Variants in FOCAD observed in about 807,000 individuals in gnomAD.
FOCAD encodes focadhesin.
A neutral mutation model predicts 225.6 loss-of-function variants in FOCAD; 198 were observed. The ratio of observed to expected loss-of-function variants is 0.88; its 90% CI spans 0.78 to 0.99. The LOEUF is 0.99. Ranked by LOEUF, FOCAD falls within the 50% of genes least tolerant of loss-of-function variation. The probability of loss-of-function intolerance (pLI) is 0.00; values close to 1 mark genes in which losing one functional copy is unlikely to be tolerated. For synonymous variants in FOCAD, 897 were observed against 755.0 expected (o/e 1.19, Z -3.08); for missense variants, 2,713 against 2,123.6 (o/e 1.28, Z -5.46).
chr9:20,861,481 C>A (rs1828767480), intron 15 of FOCAD, among the ~76,000 whole-genome samples: 1 of 152,248 alleles, frequency 6.6e-6, no homozygotes, highest in East Asian at 1.9e-4. Flanking sequence ...TGTAGGGGAT[C>A]CCAAATCAAA....
chr9:20,959,722 G>A (rs2132446770), intron 35 of FOCAD, among the ~76,000 whole-genome samples: 1 of 152,124 alleles, frequency 6.6e-6, no homozygotes, highest in South Asian at 2.1e-4. Flanking sequence ...GCGAGAGATT[G>A]GGGGGTGTAG....
intron 10 of FOCAD, among the ~76,000 whole-genome samples, chr9:20,783,279 G>T (rs1819582642): frequency 6.6e-6 from 1 of 152,092 alleles, no homozygotes; most frequent in Admixed American, 6.5e-5. Flanking sequence ...ATTACTATTA[G>T]GGCTGTAAAT....
At chr9:20,990,736 A>G (rs769946752) in intron 42 of FOCAD, among the ~76,000 whole-genome samples, 16 of 152,208 alleles carry the variant, frequency 1.1e-4, no homozygotes, top group Non-Finnish European at 1.9e-4. Context: ...CAGGATTGCA[A>G]ATCGTGTGAT....
chr9:20,767,651 C>T (rs76997801), intron 7 of FOCAD, among the ~76,000 whole-genome samples: 27,898 of 124,102 alleles, frequency 0.22, 3,772 homozygotes, highest in Non-Finnish European at 0.3. Flanking sequence ...TCATGTCCTT[C>T]GCCCACTTTT....
chr9:20,723,536 C>A (rs1563916355), intron 4 of FOCAD, among the ~76,000 whole-genome samples: 1 of 152,246 alleles, frequency 6.6e-6, no homozygotes, highest in African/African-American at 2.4e-5. Context: ...ATAATATATT[C>A]ACATTGGATA....
At chr9:20,777,025 C>T (rs1818824515) in intron 8 of FOCAD, among the ~76,000 whole-genome samples, 1 of 152,122 alleles carries the variant, frequency 6.6e-6, no homozygotes, top group South Asian at 2.1e-4. Context: ...ACATATATTC[C>T]TAAAATACAT....
chr9:20,829,790 T>C (rs1825301950), intron 15 of FOCAD, among the ~76,000 whole-genome samples: 1 of 152,154 alleles, frequency 6.6e-6, no homozygotes, highest in Admixed American at 6.6e-5. Context: ...TCTTTGTTTT[T>C]ATATGAAATT....
In FOCAD at chr9:20,720,471, C is replaced by T; in HGVS notation, c.224C>T (p.Ala75Val). The T allele has an allele frequency of 1.2e-6, 2 of 1,614,018 alleles. No homozygotes were observed. Reference sequence around the variant, plus strand: ...TGTGAAGGTCTGGTGGCACTCGTTGCTCAGGATCATGCAGAGTTCAGCTAT... The same window carrying T: ...TGTGAAGGTCTGGTGGCACTCGTTGTTCAGGATCATGCAGAGTTCAGCTAT... ...ACCEGLVALVAQDHAEFSYVL... is the reference protein window; with the variant it reads ...ACCEGLVALVVQDHAEFSYVL... The change falls in exon 4 of 44, where the codon GCT (alanine) becomes GTT (valine). Residue 75 changes from alanine (A) to valine (V), a missense_variant. Ala to Val is a moderately conservative substitution (Grantham distance 64, BLOSUM62 0). Transcript: ENST00000338382.
chr9:20,702,162 G>A (rs1824009393), intron 1 of FOCAD, among the ~76,000 whole-genome samples: 1 of 152,046 alleles, frequency 6.6e-6, no homozygotes, highest in African/African-American at 2.4e-5. Flanking sequence ...GAGTGCAGTG[G>A]CATGATAATA....
intron 21 of FOCAD, among the ~76,000 whole-genome samples, chr9:20,891,003 A>G (rs1333275363): frequency 6.6e-6 from 1 of 152,066 alleles, no homozygotes; most frequent in Admixed American, 6.6e-5. Flanking sequence ...TTTTTCCAAT[A>G]CCATATGCTT....
chr9:20,865,641 T>G (rs1018508007), intron 16 of FOCAD, among the ~76,000 whole-genome samples: 8 of 151,946 alleles, frequency 5.3e-5, no homozygotes, highest in Non-Finnish European at 1.2e-4. Flanking sequence ...CATGAAAGAG[T>G]GACATTTCTG....
intron 19 of FOCAD, among the ~76,000 whole-genome samples, chr9:20,876,981 A>G (rs1830278050): frequency 6.6e-6 from 1 of 152,212 alleles, no homozygotes; most frequent in Non-Finnish European, 1.5e-5. Context: ...GTTTTGAAAT[A>G]ATTTTACACT....
chr9:20,890,967 T>G (rs374248572), intron 21 of FOCAD, among the ~76,000 whole-genome samples: 4 of 152,154 alleles, frequency 2.6e-5, no homozygotes, highest in East Asian at 3.9e-4. Context: ...GTGGCAGCCC[T>G]GTATTGAGCA....
At chr9:20,880,690 C>T (rs746524347) in intron 19 of FOCAD, among the ~76,000 whole-genome samples, 29 of 152,096 alleles carry the variant, frequency 1.9e-4, no homozygotes, top group Non-Finnish European at 3.1e-4. Context: ...ATAGACGGTC[C>T]AGTGAGCTCT....
chr9:20,711,112 A>C (rs1418498134), intron 1 of FOCAD, among the ~76,000 whole-genome samples: 1 of 152,260 alleles, frequency 6.6e-6, no homozygotes, highest in East Asian at 1.9e-4. Context: ...GTAACACTGA[A>C]TATAAAGCAA....
At chr9:20,748,579 GT>G (rs1563940607) in intron 5 of FOCAD, among the ~76,000 whole-genome samples, 1 of 152,128 alleles carries the variant, frequency 6.6e-6, no homozygotes, top group Admixed American at 6.6e-5. Context: ...AAAGGATGTA[GT>G]CAGATTCACT....
Position 20,846,144 on chromosome 9 carries a change from C to T in FOCAD, c.1921-16434C>T, listed in dbSNP as rs560167106. On this transcript the variant is annotated intron_variant, in intron 15 of 43. Coordinates refer to ENST00000338382, the MANE Select transcript of FOCAD (RefSeq NM_001375567.1). ...CTGTTTCAGTCATTATGTTGGAGAG[C>T]ACTTCCTCAGCCTCGTGTGCCCTGT... 9.9e-5 allele frequency among the ~76,000 whole-genome samples: 15 copies of T among 152,180 alleles called. No individual in the cohort carries two copies. In the South Asian group the frequency reaches 1.2e-3, roughly 13 times the overall value.
intron 5 of FOCAD, among the ~76,000 whole-genome samples, chr9:20,753,839 C>T (rs1828795653): frequency 1.3e-5 from 2 of 150,194 alleles, no homozygotes; most frequent in South Asian, 4.1e-4. Context: ...TTTATTTTTT[C>T]AAAACTTGTA....
chr9:20,961,252 T>G (rs1486401707), intron 35 of FOCAD, among the ~76,000 whole-genome samples: 1 of 151,804 alleles, frequency 6.6e-6, no homozygotes, highest in Non-Finnish European at 1.5e-5. Flanking sequence ...AATTCCTATG[T>G]TATTTAACTA....
Sources: gnomAD v4.1 joint callset for allele counts (sites outside exome capture counted in the v4.1 genomes callset) on GRCh38, gnomAD v4.1.1 for gene constraint, MANE v1.5 for transcripts, NCBI Gene and HGNC (gene_info 2026-07-23, HGNC 2026-07-21) for gene names.